Variants in NOTCH4 observed in about 807,000 individuals in gnomAD.
NOTCH4 encodes the protein neurogenic locus notch homolog protein 4.
In NOTCH4, 138 loss-of-function variants were observed where a neutral mutation model predicts 189.0. That is an observed-to-expected ratio of 0.73 (90% CI 0.64 to 0.84). The LOEUF is 0.84. NOTCH4 is among the 40% of genes least tolerant of loss of function. The pLI, the probability that NOTCH4 is intolerant of heterozygous loss-of-function variation, is 0.00. For missense variants in NOTCH4, 2,286 were observed against 2,605.4 expected (o/e 0.88, Z 2.67); for synonymous variants, 942 against 1,032.8 (o/e 0.91, Z 1.69).
intron 13 of NOTCH4, 28 bp downstream of exon 13, chr6:32,214,082 G>A (rs1350137070): frequency 1.9e-6 from 3 of 1,592,462 alleles, no homozygotes; most frequent in Non-Finnish European, 2.6e-6. Context: ...ACCAGCACAG[G>A]GTGTATATGG....
chr6:32,220,643 T>C lies in NOTCH4; in HGVS notation c.923-2A>G. 1 of 1,613,190 alleles carries C rather than the reference T, an allele frequency of 6.2e-7. No homozygotes were observed. Among genetic ancestry groups the C allele is most frequent in the Non-Finnish European group, 8.5e-7 (1 of 1,179,362 alleles). On this transcript the variant is annotated splice_acceptor_variant, in intron 5 of 29. Coordinates refer to ENST00000375023, the MANE Select transcript of NOTCH4 (RefSeq NM_004557.4). LOFTEE classifies it high-confidence loss of function. Reference sequence around the variant, plus strand: ...CCACATCTTCGGAGCAGTCCCAGCCTGCAGGGGGTTGGGGAGGGGACGAGG... The same window carrying C: ...CCACATCTTCGGAGCAGTCCCAGCCCGCAGGGGGTTGGGGAGGGGACGAGG...
Position 32,195,773 on chromosome 6 carries a change from C to T in NOTCH4, c.5676G>A (p.Gly1892=). ...AGAGGCTCCGGCAATGAGAATAGGC[C>T]CCGCCCCCCCGCGCAGCCAAGTCTA... ...WSVDLAARGG[G]AYSHCRSLSG... The change falls in exon 30 of 30, where the codon GGG becomes GGA. Residue 1892 remains glycine, a synonymous_variant. Transcript: ENST00000375023. This position sits in a 1 kb window ranked among gnomAD's most constrained non-coding sequence, Gnocchi z 5.4. 1 of 1,608,422 alleles carries T rather than the reference C, an allele frequency of 6.2e-7. No homozygotes were observed. The highest frequency in any genetic ancestry group is 8.5e-7 in the Non-Finnish European group (1 of 1,179,554).
intron 12 of NOTCH4, among the ~76,000 whole-genome samples, chr6:32,214,884 C>G (rs1445026019): frequency 6.6e-6 from 1 of 152,162 alleles, no homozygotes; most frequent in Non-Finnish European, 1.5e-5. Context: ...CCTCGGCCTC[C>G]CAAAGTGCTG....
Position 32,217,385 on chromosome 6 carries a change from G to A in NOTCH4, c.1625-119C>T. ...GAGCTTCCCAGAGAAGACACCTGGG[G>A]CAGGTGAGCGTGGGGTGACAGGAGA... On this transcript the variant is annotated intron_variant, in intron 9 of 29. Transcript: ENST00000375023. This position sits in a 1 kb window ranked among gnomAD's most constrained non-coding sequence, Gnocchi z 4.2. 3.0e-6 allele frequency: 2 copies of A among 662,072 alleles called. No homozygotes were observed. Among genetic ancestry groups the A allele is most frequent in the South Asian group, 3.6e-5 (2 of 55,676 alleles). The allele number at this position is 662,072 out of a possible 1,614,324, so 41.0% of individuals were successfully genotyped here. A position where few individuals can be genotyped will look rare whatever the true frequency, so the allele number is the denominator to read the frequency against.
chr6:32,195,746 CGA>C lies in NOTCH4; in HGVS notation c.5701_5702del (p.Ser1901GlyfsTer14). Reference protein sequence around the residue: ...GGAYSHCRSLSGVGAGGGPTP... With the variant: ...GGAYSHCRSLXGVGAGGGPTP... ...TCGGGCCTCCTCCTGCTCCTACTCCCGAGAGGCTCCGGCAATGAGAATAGGCC... is the reference window on the plus strand; with the variant it reads ...TCGGGCCTCCTCCTGCTCCTACTCCCGAGGCTCCGGCAATGAGAATAGGCC... On this transcript the variant is annotated frameshift_variant, in exon 30 of 30. Transcript: ENST00000375023. LOFTEE classifies it low-confidence loss of function (END_TRUNC). This position sits in a 1 kb window ranked among gnomAD's most constrained non-coding sequence, Gnocchi z 5.4. 1 of 1,612,222 alleles carries C rather than the reference CGA, an allele frequency of 6.2e-7. No homozygotes were observed. Among genetic ancestry groups the C allele is most frequent in the South Asian group, 1.1e-5 (1 of 91,074 alleles).
At chr6:32,220,361 C>G (rs769122939) in intron 6 of NOTCH4, 44 bp downstream of exon 6, 1 of 1,611,906 alleles carries the variant, frequency 6.2e-7, no homozygotes, top group African/African-American at 1.3e-5. Flanking sequence ...TTCTCTCACC[C>G]TCCTTCTCTA....
At chr6:32,213,633 C>T in intron 14 of NOTCH4, 55 bp downstream of exon 14, 1 of 1,580,554 alleles carries the variant, frequency 6.3e-7, no homozygotes, top group Admixed American at 1.8e-5. Context: ...GCATACCCTC[C>T]TTAGTTCTTC....
chr6:32,197,438 A>AG lies in NOTCH4; in HGVS notation c.4912dup (p.Leu1638ProfsTer18). Reference sequence around the variant, plus strand: ...CCGGGAGAATCGGGCAGCCAGGTGCAGGGGGGTCTCCCCAGTGCCCACGGT... The same window carrying AG: ...CCGGGAGAATCGGGCAGCCAGGTGCAGGGGGGGTCTCCCCAGTGCCCACGGT... On this transcript the variant is annotated frameshift_variant, in exon 27 of 30. Coordinates refer to ENST00000375023, the MANE Select transcript of NOTCH4 (RefSeq NM_004557.4). LOFTEE classifies it high-confidence loss of function. 1 of 1,558,884 alleles carries AG rather than the reference A, an allele frequency of 6.4e-7. No individual in the cohort carries two copies. Among genetic ancestry groups the AG allele is most frequent in the Non-Finnish European group, 8.7e-7 (1 of 1,152,436 alleles).
chr6:32,200,064 G>A lies in NOTCH4; in HGVS notation c.4315+767C>T, dbSNP rs1247812999. ...AATGCAAATATTCCAAAATAAATCC[G>A]AAATCTGAAACACTTTTGTTCCCAA... is the stretch of plus-strand genomic sequence containing the variant. On this transcript the variant is annotated intron_variant, in intron 23 of 29. Transcript: ENST00000375023. This position sits in a 1 kb window ranked among gnomAD's most constrained non-coding sequence, Gnocchi z 5.0. Among the ~76,000 whole-genome samples the A allele has an allele frequency of 2.0e-5, 3 of 152,080 alleles. No homozygotes were observed. Among genetic ancestry groups the A allele is most frequent in the East Asian group, 1.9e-4 (1 of 5,204 alleles).
intron 1 of NOTCH4, among the ~76,000 whole-genome samples, chr6:32,223,580 G>A (rs1789933749): frequency 6.6e-6 from 1 of 151,750 alleles, no homozygotes; most frequent in South Asian, 2.1e-4. Context: ...CTTCCCTATG[G>A]CTGCAAGAGT....
Position 32,196,524 on chromosome 6 carries a change from C to A in NOTCH4, c.5201-103G>T, listed in dbSNP as rs548076896. ...TTGGGGGAAGGGCTATTCGGGCCGG[C>A]TGGTCCCTCAAAGGCGGGAAGCGTT... On this transcript the variant is annotated intron_variant, in intron 28 of 29. Transcript: ENST00000375023. The A allele has an allele frequency of 3.9e-4, 566 of 1,435,648 alleles. 10 individuals are homozygous for A. In the South Asian group the frequency reaches 7.0e-3, roughly 18 times the overall value. 88.9% of individuals were successfully genotyped at this position (1,435,648 alleles called of 1,614,324 possible).
chr6:32,198,337 T>C lies in NOTCH4; in HGVS notation c.4756+84A>G. The C allele has an allele frequency of 7.2e-7, 1 of 1,391,184 alleles. No homozygotes were observed. The highest frequency in any genetic ancestry group is 1.4e-5 in the African/African-American group (1 of 69,292). The allele number at this position is 1,391,184 out of a possible 1,614,324, so 86.2% of individuals were successfully genotyped here. A position where few individuals can be genotyped will look rare whatever the true frequency, so the allele number is the denominator to read the frequency against. On this transcript the variant is annotated intron_variant, in intron 26 of 29. Transcript: ENST00000375023. The surrounding 1 kb of genome is among the most constrained non-coding windows in gnomAD (Gnocchi z 5.5). The stretch of plus-strand genomic sequence containing the variant: ...GCACTCAGTCTAAAATTATTTCCTC[T>C]AGTTCTGATATTAAAGGACTCTCTG...
At chr6:32,218,247 G>A in intron 8 of NOTCH4, 139 bp from the exon 9 acceptor site, 1 of 650,204 alleles carries the variant, frequency 1.5e-6, no homozygotes, top group Non-Finnish European at 2.8e-6. Context: ...GGTTGAATAA[G>A]ATGAACCCTG....
chr6:32,196,996 C>G lies in NOTCH4; in HGVS notation c.5129G>C (p.Arg1710Thr). Residue 1710 changes from arginine (R) to threonine (T), a missense_variant, in exon 28 of 30, where the codon AGG (arginine) becomes ACG (threonine). Arg to Thr is a moderately conservative substitution (Grantham distance 71). Around this residue, in one of 2 missense-constraint regions of NOTCH4, gnomAD observed 1,903 missense variants for 2,261.9 expected, o/e 0.84. Coordinates refer to ENST00000375023, the MANE Select transcript of NOTCH4 (RefSeq NM_004557.4). ...DGTTPLMLAA[R>T]LAVEDLVEEL... ...TTCAACCAGGTCTTCCACCGCCAGC[C>G]TGGCAGCCAGCATCAAGGGTGTGGT... 6.2e-7 allele frequency: 1 copy of G among 1,613,054 alleles called. No homozygotes were observed. The highest frequency in any genetic ancestry group is 1.7e-5 in the Admixed American group (1 of 60,030).
chr6:32,213,923 C>T, intron 13 of NOTCH4, 83 bp from the exon 14 acceptor site: 2 of 1,532,110 alleles, frequency 1.3e-6, no homozygotes, highest in Non-Finnish European at 1.8e-6. Context: ...CCTTCCCTTC[C>T]TCATCCCCAA....
intron 18 of NOTCH4, among the ~76,000 whole-genome samples, chr6:32,206,023 C>A (rs2555457): frequency 0.057 from 8,596 of 150,108 alleles, 398 homozygotes; most frequent in East Asian, 0.21. Context: ...AGTGACAGAG[C>A]AAGACTCTGT....
rs1404084503 is a variant in NOTCH4, at chr6:32,221,272, C to T, written c.505G>A (p.Gly169Arg). 2 of 1,613,070 alleles carry T rather than the reference C, an allele frequency of 1.2e-6. No homozygotes were observed. The highest frequency in any genetic ancestry group is 1.7e-6 in the Non-Finnish European group (2 of 1,180,014). ...FCSANPCVNG[G>R]VCLATYPQIQ... ...TGGGGGTATGTGGCCAGACACACCC[C>T]TCCATTAACACATGGGTTGGCTGAA... Residue 169 changes from glycine (G) to arginine (R), a missense_variant, in exon 4 of 30, where the codon GGG becomes AGG. Around this residue, in one of 2 missense-constraint regions of NOTCH4, gnomAD observed 1,903 missense variants for 2,261.9 expected, o/e 0.84. Coordinates refer to ENST00000375023, the MANE Select transcript of NOTCH4 (RefSeq NM_004557.4). This position sits in a 1 kb window ranked among gnomAD's most constrained non-coding sequence, Gnocchi z 4.3.
At position 32,198,409 on chromosome 6, in the gene NOTCH4, T is replaced by G; in HGVS notation, c.4756+12A>C. ...TTTTTTTTTTTTTCTTGGTCTGGGT[T>G]GACTCACATACCAGGTCCACGGGTG... is the stretch of plus-strand genomic sequence containing the variant. On this transcript the variant is annotated intron_variant, in intron 26 of 29. Transcript: ENST00000375023. The surrounding 1 kb of genome is among the most constrained non-coding windows in gnomAD (Gnocchi z 5.5). 6.2e-7 allele frequency: 1 copy of G among 1,606,962 alleles called. No individual in the cohort carries two copies. The highest frequency in any genetic ancestry group is 1.7e-5 in the Admixed American group (1 of 58,358).
In NOTCH4 at chr6:32,217,122, G is replaced by A. The variant is rs1456396873; in HGVS notation, c.1738+31C>T. ...GCACGGATGTCTGCCTCCTGCTCCC[G>A]CTGTCCCCCACAGTGTGTGCCCCAG... On this transcript the variant is annotated intron_variant, in intron 10 of 29. Coordinates refer to ENST00000375023, the MANE Select transcript of NOTCH4 (RefSeq NM_004557.4). This position sits in a 1 kb window ranked among gnomAD's most constrained non-coding sequence, Gnocchi z 4.2. 4 of 1,612,670 alleles carry A rather than the reference G, an allele frequency of 2.5e-6. No individual in the cohort carries two copies. Among genetic ancestry groups the A allele is most frequent in the Admixed American group, 1.7e-5 (1 of 60,012 alleles).
Sources: gnomAD v4.1 joint callset for allele counts (sites outside exome capture counted in the v4.1 genomes callset) on GRCh38, gnomAD v4.1.1 for gene constraint, gnomAD v4.1.1 regional missense constraint, Gnocchi (gnomAD v3.1) non-coding constraint, MANE v1.5 for transcripts, NCBI Gene and HGNC (gene_info 2026-07-23, HGNC 2026-07-21) for gene names.